The following NUP160 variants were observed in gnomAD, a reference collection of about 807,000 sequenced individuals.
The protein encoded by NUP160 is nuclear pore complex protein Nup160.
A neutral mutation model predicts 196.9 loss-of-function variants in NUP160; 94 were observed. The observed-to-expected ratio is 0.48, with a 90% CI of 0.40 to 0.57. The LOEUF is 0.57. Among genes scored for constraint, NUP160 ranks in the 20% least tolerant of loss-of-function variants. The probability of loss-of-function intolerance (pLI) is 0.00; values close to 1 mark genes in which losing one functional copy is unlikely to be tolerated. For missense variants in NUP160, 1,638 were observed against 1,748.3 expected (o/e 0.94, Z 1.13); for synonymous variants, 605 against 619.7 (o/e 0.98, Z 0.35).
chr11:47,837,712 G>A, intron 4 of NUP160, 89 bp from the exon 5 acceptor site: 1 of 910,334 alleles, frequency 1.1e-6, no homozygotes, highest in Non-Finnish European at 1.8e-6. Context: ...CTTTATAATA[G>A]GCAACAGACT....
chr11:47,824,008 C>CATATATAT (rs58246222), intron 7 of NUP160, among the ~76,000 whole-genome samples: 36 of 73,112 alleles, frequency 4.9e-4, no homozygotes, highest in South Asian at 9.8e-4. Context: ...AATTCTTTTG[C>CATATATAT]ATATATATAT....
chr11:47,822,103 G>A, exon 8 of NUP160: 1 of 1,608,358 alleles, frequency 6.2e-7, no homozygotes, highest in Middle Eastern at 1.7e-4. Flanking sequence ...AGTGAACAGT[G>A]AAGAAATATG....
At chr11:47,789,843 A>G (rs1415233132) in intron 29 of NUP160, among the ~76,000 whole-genome samples, 3 of 151,958 alleles carry the variant, frequency 2.0e-5, no homozygotes, top group Non-Finnish European at 4.4e-5. Context: ...ATAACATTTC[A>G]TTACCCAAAA....
chr11:47,797,834 G>C, exon 27 of NUP160: 1 of 1,613,050 alleles, frequency 6.2e-7, no homozygotes, highest in African/African-American at 1.3e-5. Flanking sequence ...CATAGTAATT[G>C]TGAGTCATAA....
chr11:47,844,712 C>G (rs1343442342), intron 2 of NUP160, among the ~76,000 whole-genome samples: 1 of 152,168 alleles, frequency 6.6e-6, no homozygotes, highest in African/African-American at 2.4e-5. Context: ...AACTGACAAA[C>G]TGTCAGAGGC....
intron 7 of NUP160, among the ~76,000 whole-genome samples, chr11:47,823,017 C>T (rs547743313): frequency 1.2e-3 from 177 of 152,218 alleles, no homozygotes; most frequent in African/African-American, 3.6e-3. Flanking sequence ...GTGAATAGTG[C>T]CACAATAAAT....
At chr11:47,789,984 T>C (rs1241674436) in intron 29 of NUP160, among the ~76,000 whole-genome samples, 1 of 151,576 alleles carries the variant, frequency 6.6e-6, no homozygotes, top group Non-Finnish European at 1.5e-5. Context: ...TCGCCCTTAT[T>C]GCCCAGACTG....
intron 18 of NUP160, among the ~76,000 whole-genome samples, chr11:47,807,621 C>T (rs1451169297): frequency 3.3e-5 from 5 of 151,694 alleles, no homozygotes; most frequent in South Asian, 2.1e-4. Flanking sequence ...GAGCCGAGAT[C>T]GCACCATTGC....
intron 33 of NUP160, among the ~76,000 whole-genome samples, chr11:47,783,733 T>G (rs1019203987): frequency 1.3e-5 from 2 of 152,168 alleles, no homozygotes; most frequent in African/African-American, 4.8e-5. Context: ...TCCTATTTAT[T>G]TATTTTTTTT....
chr11:47,803,142 A>ACATAAT (rs148282006), intron 22 of NUP160, among the ~76,000 whole-genome samples: 8 of 139,058 alleles, frequency 5.8e-5, no homozygotes, highest in Non-Finnish European at 1.2e-4. Context: ...TGATTTTACA[A>ACATAAT]AATAATAATA....
intron 10 of NUP160, 46 bp downstream of exon 10, chr11:47,819,328 A>G: frequency 1.6e-6 from 2 of 1,258,760 alleles, no homozygotes; most frequent in Non-Finnish European, 2.3e-6. Context: ...AAAAAAAAAG[A>G]TCAAAGTAAA....
At chr11:47,816,758 A>G (rs2097684707) in intron 11 of NUP160, among the ~76,000 whole-genome samples, 1 of 148,796 alleles carries the variant, frequency 6.7e-6, no homozygotes, top group Non-Finnish European at 1.5e-5. Flanking sequence ...CCTGGGCAAC[A>G]GAGCGAGACC....
At chr11:47,782,979 T>C in intron 34 of NUP160, 94 bp downstream of exon 34, 1 of 1,084,784 alleles carries the variant, frequency 9.2e-7, no homozygotes, top group Non-Finnish European at 1.4e-6. Context: ...TAAAGTATGG[T>C]TTCTCATAAA....
At chr11:47,836,897 C>A in exon 6 of NUP160, 4 of 1,588,118 alleles carry the variant, frequency 2.5e-6, no homozygotes, top group Non-Finnish European at 3.5e-6. Flanking sequence ...CTTGTAAGAC[C>A]ACATTCGTAG....
chr11:47,805,610 AT>A lies in NUP160; in HGVS notation c.2606+542del, dbSNP rs977200709. ...AGGCGCCTGCCACCATGCCTGGCTA[AT>A]TTTTTTTTGTATTTTTAGTAGAGAC... On this transcript the variant is annotated intron_variant, in intron 20 of 35. Transcript: ENST00000378460. Among the ~76,000 whole-genome samples the A allele has an allele frequency of 1.2e-3, 184 of 149,458 alleles. 1 individual carries two copies. Among genetic ancestry groups the A allele is most frequent in the African/African-American group, 4.4e-3 (177 of 40,648 alleles).
chr11:47,779,670 A>G (rs1394201294), intron 35 of NUP160: 6 of 470,582 alleles, frequency 1.3e-5, no homozygotes, highest in Non-Finnish European at 2.5e-5. Flanking sequence ...CTCCTGAGAA[A>G]TGTTGTTATA....
intron 23 of NUP160, 28 bp downstream of exon 23, chr11:47,801,783 T>A (rs1276725082): frequency 1.9e-6 from 3 of 1,608,788 alleles, no homozygotes. Flanking sequence ...CACAGGGTGG[T>A]ATAAGGCCAA....
chr11:47,813,112 A>C (rs1338092638), intron 14 of NUP160, 65 bp from the exon 15 acceptor site: 5 of 1,196,950 alleles, frequency 4.2e-6, no homozygotes, highest in Non-Finnish European at 4.8e-6. Flanking sequence ...TTGATATTAC[A>C]TTAAAATGTT....
chr11:47,784,130 A>G (rs1344714047), intron 33 of NUP160, among the ~76,000 whole-genome samples: 2 of 152,238 alleles, frequency 1.3e-5, no homozygotes, highest in Non-Finnish European at 2.9e-5. Flanking sequence ...GGTGGTTCAG[A>G]TGCAGAAGTT....
Sources: gnomAD v4.1 joint callset for allele counts (sites outside exome capture counted in the v4.1 genomes callset) on GRCh38, gnomAD v4.1.1 for gene constraint, MANE v1.5 for transcripts, NCBI Gene and HGNC (gene_info 2026-07-23, HGNC 2026-07-21) for gene names.